LGSN: variants seen among roughly 807,000 people sequenced by gnomAD.
LGSN encodes the protein lengsin, lens protein with glutamine synthetase domain.
A neutral mutation model predicts 19.5 loss-of-function variants in LGSN; 21 were observed. The observed-to-expected ratio is 1.07, with a 90% CI of 0.76 to 1.55. The LOEUF (loss-of-function observed/expected upper bound fraction) is 1.55. Among genes scored for constraint, LGSN ranks in the 40% most tolerant of loss-of-function variants. The pLI, the probability that LGSN is intolerant of heterozygous loss-of-function variation, is 0.00. For synonymous variants in LGSN, 257 were observed against 215.6 expected (o/e 1.19, Z -1.68); for missense variants, 673 against 608.5 (o/e 1.11, Z -1.12).
Position 63,279,942 on chromosome 6 carries a change from A to G in LGSN, c.*79T>C. The stretch of plus-strand genomic sequence containing the variant: ...TGTTATTGTTGCTGTTGTTAATTAC[A>G]AAAGTTCAGTCTTTTTGTTTTGGTA... On this transcript the variant is annotated 3_prime_UTR_variant, in exon 4 of 4. Transcript: ENST00000370657. The G allele has an allele frequency of 7.4e-7, 1 of 1,351,412 alleles. No homozygotes were observed. The highest frequency in any genetic ancestry group is 1.0e-6 in the Non-Finnish European group (1 of 989,604). The allele number at this position is 1,351,412 out of a possible 1,614,324, so 83.7% of individuals were successfully genotyped here.
the LGSN span, among the ~76,000 whole-genome samples, chr6:63,483,840 A>T: frequency 2.0e-5 from 3 of 148,452 alleles, no homozygotes; most frequent in African/African-American, 7.5e-5. Context: ...TTTTTTTAAG[A>T]CAGGGTCTCA....
At chr6:63,421,898 AGTT>A in the LGSN span, among the ~76,000 whole-genome samples, 173 of 152,162 alleles carry the variant, frequency 1.1e-3, 1 homozygote, top group Non-Finnish European at 2.0e-3. Context: ...ATGAAAAAGT[AGTT>A]GAAGAAATAA....
the LGSN span, among the ~76,000 whole-genome samples, chr6:63,538,185 C>T: frequency 6.6e-6 from 1 of 152,096 alleles, no homozygotes; most frequent in Admixed American, 6.5e-5. Flanking sequence ...TTGGTGTTTA[C>T]CAGTAGGGAA....
the LGSN span, among the ~76,000 whole-genome samples, chr6:63,557,963 C>T: frequency 6.6e-6 from 1 of 151,492 alleles, no homozygotes; most frequent in African/African-American, 2.4e-5. Context: ...GATCTCGGCT[C>T]ACTGCAACCT....
the LGSN span, among the ~76,000 whole-genome samples, chr6:63,463,399 C>T: frequency 6.6e-6 from 1 of 152,142 alleles, no homozygotes; most frequent in African/African-American, 2.4e-5. Context: ...CTTGTCACCT[C>T]ATTTTGTCTC....
the LGSN span, among the ~76,000 whole-genome samples, chr6:63,492,147 T>C: frequency 1.4e-4 from 21 of 152,220 alleles, no homozygotes; most frequent in Non-Finnish European, 2.9e-4. Context: ...ATGTTCTTTC[T>C]CCTAACCAAA....
the LGSN span, among the ~76,000 whole-genome samples, chr6:63,422,141 G>A: frequency 1.5e-3 from 230 of 152,232 alleles, no homozygotes; most frequent in Non-Finnish European, 2.8e-3. Context: ...TCAGCTCACT[G>A]CAACCTCTAC....
At chr6:63,374,654 A>C in the LGSN span, among the ~76,000 whole-genome samples, 1 of 152,250 alleles carries the variant, frequency 6.6e-6, no homozygotes, top group Non-Finnish European at 1.5e-5. Context: ...GCTTAAAACA[A>C]GACAAAAGTG....
At chr6:63,485,211 AGT>A in the LGSN span, among the ~76,000 whole-genome samples, 1 of 151,940 alleles carries the variant, frequency 6.6e-6, no homozygotes, top group Non-Finnish European at 1.5e-5. Flanking sequence ...AATAGGCCCC[AGT>A]GTGTGTTGTT....
At chr6:63,281,297 T>A in intron 3 of LGSN, 77 bp from the exon 4 acceptor site, 1 of 202,366 alleles carries the variant, frequency 4.9e-6, no homozygotes, top group East Asian at 1.0e-4. Flanking sequence ...AAAGCCTTGC[T>A]AATGAAAATA....
chr6:63,455,926 A>C, the LGSN span, among the ~76,000 whole-genome samples: 1 of 150,192 alleles, frequency 6.7e-6, no homozygotes, highest in African/African-American at 2.5e-5. Flanking sequence ...AAAAAAATTA[A>C]CTTTTGATTA....
the LGSN span, among the ~76,000 whole-genome samples, chr6:63,424,408 A>G: frequency 2.0e-5 from 3 of 151,428 alleles, no homozygotes; most frequent in Admixed American, 2.0e-4. Flanking sequence ...TTCAAGAAGA[A>G]TTTACACTGA....
the LGSN span, among the ~76,000 whole-genome samples, chr6:63,409,456 A>T: frequency 2.0e-5 from 3 of 152,194 alleles, no homozygotes; most frequent in Non-Finnish European, 4.4e-5. Context: ...CACTTTACAC[A>T]ATTGTTACAA....
the LGSN span, among the ~76,000 whole-genome samples, chr6:63,486,027 G>A: frequency 6.6e-6 from 1 of 152,104 alleles, no homozygotes; most frequent in African/African-American, 2.4e-5. Context: ...ACCACACCCG[G>A]CTGAACATTG....
At chr6:63,491,482 C>T in the LGSN span, among the ~76,000 whole-genome samples, 1 of 152,134 alleles carries the variant, frequency 6.6e-6, no homozygotes, top group African/African-American at 2.4e-5. Flanking sequence ...TGAGAATCCT[C>T]CCAAAGCCTC....
chr6:63,374,310 A>G, the LGSN span, among the ~76,000 whole-genome samples: 2 of 152,212 alleles, frequency 1.3e-5, no homozygotes, highest in East Asian at 3.8e-4. Flanking sequence ...AATGGTTTCA[A>G]TAGAGCGCCA....
the LGSN span, among the ~76,000 whole-genome samples, chr6:63,426,026 T>C: frequency 2.0e-5 from 3 of 152,082 alleles, no homozygotes; most frequent in Admixed American, 1.3e-4. Flanking sequence ...AATTACTCAA[T>C]ATTAAAAATG....
chr6:63,552,816 G>C, the LGSN span, among the ~76,000 whole-genome samples: 2 of 152,038 alleles, frequency 1.3e-5, no homozygotes, highest in Non-Finnish European at 1.5e-5. Flanking sequence ...TCTTGTTTTT[G>C]TCAGGTTTGT....
intron 3 of LGSN, 99 bp downstream of exon 3, chr6:63,285,488 T>C: frequency 1.1e-6 from 1 of 909,234 alleles, no homozygotes; most frequent in Non-Finnish European, 1.6e-6. Context: ...CAGCTTGAAT[T>C]GCTGTATAAG....
Sources: allele counts gnomAD v4.1 joint callset (sites outside exome capture counted in the v4.1 genomes callset), GRCh38; gene constraint gnomAD v4.1.1; transcripts MANE v1.5; gene names NCBI Gene and HGNC (gene_info 2026-07-23, HGNC 2026-07-21).